The following PKNOX2 variants were observed in gnomAD, a reference collection of about 807,000 sequenced individuals.
PKNOX2 encodes the protein PBX/knotted 1 homeobox 2, also known as homeobox protein PKNOX2.
In PKNOX2, 14 loss-of-function variants were observed where a neutral mutation model predicts 53.1. The observed-to-expected ratio is 0.26, with a 90% confidence interval of 0.17 to 0.41. The LOEUF is 0.41. Ranked by LOEUF, PKNOX2 falls within the 10% of genes least tolerant of loss-of-function variation. PKNOX2 has a pLI of 1.00. For missense variants in PKNOX2, 496 were observed against 602.8 expected (o/e 0.82, Z 1.85); for synonymous variants, 257 against 242.8 (o/e 1.06, Z -0.54).
chr11:125,360,795 C>G (rs1951882779), intron 4 of PKNOX2, among the ~76,000 whole-genome samples: 1 of 152,230 alleles, frequency 6.6e-6, no homozygotes, highest in Non-Finnish European at 1.5e-5. Context: ...TACTGAGGGC[C>G]AGCTACTTTG....
At chr11:125,172,378 C>T (rs914890823) in intron 1 of PKNOX2, among the ~76,000 whole-genome samples, 1 of 152,232 alleles carries the variant, frequency 6.6e-6, no homozygotes, top group Non-Finnish European at 1.5e-5. Flanking sequence ...CTGGTTGCAA[C>T]ATGGCTTTCT....
At chr11:125,223,680 C>T (rs549958801) in intron 1 of PKNOX2, among the ~76,000 whole-genome samples, 4 of 152,204 alleles carry the variant, frequency 2.6e-5, no homozygotes, top group South Asian at 4.1e-4. Context: ...GCAAAGATTT[C>T]GTGGCATGTA....
intron 1 of PKNOX2, among the ~76,000 whole-genome samples, chr11:125,216,969 G>T (rs1461911058): frequency 6.6e-6 from 1 of 151,798 alleles, no homozygotes; most frequent in Non-Finnish European, 1.5e-5. Flanking sequence ...GTGAAATTAG[G>T]CAGGAGGCCA....
chr11:125,271,591 C>G (rs1945795046), intron 2 of PKNOX2, among the ~76,000 whole-genome samples: 2 of 152,222 alleles, frequency 1.3e-5, no homozygotes, highest in Non-Finnish European at 2.9e-5. Flanking sequence ...ACTTGGTTTT[C>G]AGAGGAGTCT....
chr11:125,398,191 C>T, intron 7 of PKNOX2, 129 bp downstream of exon 7: 2 of 898,948 alleles, frequency 2.2e-6, no homozygotes, highest in Admixed American at 3.0e-5. Context: ...GCCATGAGGG[C>T]CCTCCTCTGA....
intron 2 of PKNOX2, among the ~76,000 whole-genome samples, chr11:125,262,000 G>A (rs752783198): frequency 5.9e-5 from 9 of 152,228 alleles, no homozygotes; most frequent in Non-Finnish European, 1.3e-4. Context: ...AGGGTGCGGG[G>A]ATGCAGAGCA....
chr11:125,411,886 G>T, intron 10 of PKNOX2, 21 bp downstream of exon 10: 2 of 1,613,818 alleles, frequency 1.2e-6, no homozygotes. Flanking sequence ...GTGTCTTGGG[G>T]GTGTGGAGTC....
At chr11:125,289,101 G>A (rs1479988890) in intron 2 of PKNOX2, among the ~76,000 whole-genome samples, 3 of 152,236 alleles carry the variant, frequency 2.0e-5, no homozygotes, top group African/African-American at 7.2e-5. Context: ...GTGCTGCGGT[G>A]TAGAGATCTC....
rs145874103 is a variant in PKNOX2 at position 125,209,536 on chromosome 11, C to T, written c.-200-25509C>T. 1.2e-3 allele frequency among the ~76,000 whole-genome samples: 179 copies of T among 152,002 alleles called. 2 individuals carry two copies. The highest frequency in any genetic ancestry group is 4.1e-3 in the African/African-American group (172 of 41,478). ...TAGGAAAGAAGAGGAAGGTTAAAGA[C>T]ATAGCATGCTCAGGAAGAAGGAAAG... On this transcript the variant is annotated intron_variant, in intron 1 of 12. Coordinates refer to ENST00000298282, the MANE Select transcript of PKNOX2 (RefSeq NM_001382323.2).
chr11:125,300,756 AGATCCC>A (rs1948003067), intron 2 of PKNOX2, among the ~76,000 whole-genome samples: 1 of 152,226 alleles, frequency 6.6e-6, no homozygotes, highest in African/African-American at 2.4e-5. Flanking sequence ...AACTCTCCCC[AGATCCC>A]AACAGGCAGG....
chr11:125,310,358 G>A (rs1291439861), intron 2 of PKNOX2, among the ~76,000 whole-genome samples: 1 of 151,994 alleles, frequency 6.6e-6, no homozygotes. Context: ...AACCAGGCAT[G>A]GTGGCGCATG....
At chr11:125,293,026 C>G (rs975597690) in intron 2 of PKNOX2, among the ~76,000 whole-genome samples, 1 of 152,118 alleles carries the variant, frequency 6.6e-6, no homozygotes. Flanking sequence ...AGCAAGATGC[C>G]GGACAGCGTG....
At chr11:125,389,678 T>G (rs548908609) in intron 6 of PKNOX2, among the ~76,000 whole-genome samples, 17 of 152,274 alleles carry the variant, frequency 1.1e-4, no homozygotes, top group African/African-American at 3.9e-4. Flanking sequence ...GGTAAAAGCT[T>G]TTTGTTTTAT....
intron 2 of PKNOX2, among the ~76,000 whole-genome samples, chr11:125,319,930 C>A (rs1949424322): frequency 6.6e-6 from 1 of 152,184 alleles, no homozygotes; most frequent in African/African-American, 2.4e-5. Flanking sequence ...GCCAGACTGA[C>A]CTTCTAGACC....
At chr11:125,179,327 C>T (rs1023911751) in intron 1 of PKNOX2, among the ~76,000 whole-genome samples, 3 of 152,038 alleles carry the variant, frequency 2.0e-5, no homozygotes, top group Non-Finnish European at 4.4e-5. Context: ...GAATGACATA[C>T]GAGCTTTGAG....
In PKNOX2 at chr11:125,166,244, T is replaced by C. The variant is rs549805342; in HGVS notation, c.-201+1468T>C. Among the ~76,000 whole-genome samples, 106 of 152,114 alleles carry C rather than the reference T, an allele frequency of 7.0e-4. No individual in the cohort carries two copies. In the Middle Eastern group the frequency reaches 0.017, roughly 24 times the overall value. On this transcript the variant is annotated intron_variant, in intron 1 of 12. Coordinates refer to ENST00000298282, the MANE Select transcript of PKNOX2 (RefSeq NM_001382323.2). This position sits in a 1 kb window ranked among gnomAD's most constrained non-coding sequence, Gnocchi z 4.0. ...CAGCTTTTTCTTGTGGTGGAAGCTA[T>C]TGGAATTTGGGGAGGGTAGCACGAG...
chr11:125,263,998 A>G (rs1945100708), intron 2 of PKNOX2, among the ~76,000 whole-genome samples: 1 of 152,126 alleles, frequency 6.6e-6, no homozygotes, highest in Non-Finnish European at 1.5e-5. Context: ...CAGTGACCTC[A>G]GGGGATGGGG....
intron 1 of PKNOX2, among the ~76,000 whole-genome samples, chr11:125,195,211 A>C (rs1024997124): frequency 2.6e-5 from 4 of 152,162 alleles, no homozygotes; most frequent in Non-Finnish European, 5.9e-5. Context: ...TTAGATATAA[A>C]CACTGATTCT....
At chr11:125,297,549 G>C (rs1361402810) in intron 2 of PKNOX2, among the ~76,000 whole-genome samples, 1 of 152,168 alleles carries the variant, frequency 6.6e-6, no homozygotes, top group African/African-American at 2.4e-5. Context: ...GGTGACATTT[G>C]CGATGACTCT....
Sources: gnomAD v4.1 joint callset for allele counts (sites outside exome capture counted in the v4.1 genomes callset) on GRCh38, gnomAD v4.1.1 for gene constraint, Gnocchi (gnomAD v3.1) non-coding constraint, MANE v1.5 for transcripts, NCBI Gene and HGNC (gene_info 2026-07-23, HGNC 2026-07-21) for gene names.